Variants in PFDN6 observed in about 807,000 individuals in gnomAD.
PFDN6 encodes HLA class II region expressed gene KE2.
In PFDN6, 5 loss-of-function variants were observed where a neutral mutation model predicts 19.3. That is an observed-to-expected ratio of 0.26 (90% CI 0.14 to 0.55). The LOEUF is 0.55. Ranked by LOEUF, PFDN6 falls within the 20% of genes least tolerant of loss-of-function variation. The pLI is 0.94. For missense variants in PFDN6, 101 were observed against 149.4 expected (o/e 0.68, Z 1.69); for synonymous variants, 51 against 63.4 (o/e 0.80, Z 0.93).
At chr6:33,289,507 C>A, upstream of PFDN6, 2 of 1,178,200 alleles carry the variant, frequency 1.7e-6, no homozygotes, top group Non-Finnish European at 2.2e-6. Flanking sequence ...GAACTCCACT[C>A]CCTAAACATG....
chr6:33,289,227 G>A, upstream of PFDN6: 4 of 1,575,050 alleles, frequency 2.5e-6, no homozygotes, highest in South Asian at 2.3e-5. Context: ...CCACACAGTC[G>A]GCTTGAAAAC....
At chr6:33,290,268 C>G in intron 2 of PFDN6, 24 bp downstream of exon 2, 1 of 1,613,970 alleles carries the variant, frequency 6.2e-7, no homozygotes, top group Non-Finnish European at 8.5e-7. Context: ...ATTTGTGGGG[C>G]GAGGAGGGAC....
At chr6:33,289,290 T>G (rs1023994064), upstream of PFDN6, 11 of 1,483,130 alleles carry the variant, frequency 7.4e-6, no homozygotes, top group Non-Finnish European at 9.8e-6. Context: ...GGTATGAAGC[T>G]CTCTAGGTGC....
In PFDN6 at chr6:33,289,754, G is replaced by C. The variant is rs573282585; in HGVS notation, c.-103G>C. The C allele has an allele frequency of 2.7e-4, 249 of 931,920 alleles. 2 individuals carry two copies. Among genetic ancestry groups the C allele is most frequent in the South Asian group, 2.6e-3 (140 of 54,074 alleles). The allele number at this position is 931,920 out of a possible 1,614,324, so 57.7% of individuals were successfully genotyped here. On this transcript the variant is annotated 5_prime_UTR_variant, in exon 1 of 4. Coordinates refer to ENST00000374606, the MANE Select transcript of PFDN6 (RefSeq NM_001185181.3). ...CCCCTCAGGGCTACCTCTCAAGAGT[G>C]CTATCATTTCCGCAGGCCAGATCAG...
rs561396241 is a variant in PFDN6 at position 33,289,728 on chromosome 6, G to T, written c.-129G>T. 5.8e-6 allele frequency: 4 copies of T among 692,990 alleles called. No homozygotes were observed. The highest frequency in any genetic ancestry group is 5.8e-5 in the East Asian group (2 of 34,578). 42.9% of individuals were successfully genotyped at this position (692,990 alleles called of 1,614,324 possible). On this transcript the variant is annotated 5_prime_UTR_variant, in exon 1 of 4. Transcript: ENST00000374606. ...TCCGGGACGGGGGGGAGGTTGCGGT[G>T]CCCCTCAGGGCTACCTCTCAAGAGT...
At chr6:33,290,120 T>C (rs918050792) in intron 1 of PFDN6, 54 bp from the exon 2 acceptor site, 71 of 1,566,570 alleles carry the variant, frequency 4.5e-5, no homozygotes, top group Non-Finnish European at 6.2e-5. Flanking sequence ...ACTAGGATTG[T>C]GGGGATAGGT....
In PFDN6 at chr6:33,290,907, T is replaced by C; in HGVS notation, c.*62T>C. The C allele has an allele frequency of 6.9e-7, 1 of 1,445,832 alleles. No individual in the cohort carries two copies. The highest frequency in any genetic ancestry group is 9.3e-7 in the Non-Finnish European group (1 of 1,073,418). The allele number at this position is 1,445,832 out of a possible 1,614,324, so 89.6% of individuals were successfully genotyped here. On this transcript the variant is annotated 3_prime_UTR_variant, in exon 4 of 4. Coordinates refer to ENST00000374606, the MANE Select transcript of PFDN6 (RefSeq NM_001185181.3). Reference sequence around the variant, plus strand: ...TGAGGCAGCTCTAGGATCTATACTGTAGCTAATAAAATGTAAAAACACCTG... The same window carrying C: ...TGAGGCAGCTCTAGGATCTATACTGCAGCTAATAAAATGTAAAAACACCTG...
At chr6:33,290,592 C>A in intron 3 of PFDN6, 124 bp from the exon 4 acceptor site, 2 of 1,464,364 alleles carry the variant, frequency 1.4e-6, no homozygotes, top group Non-Finnish European at 1.9e-6. Context: ...TCCCTTTTAA[C>A]CCCCCTTCTT....
rs1283565767 is a variant in PFDN6 at position 33,290,045 on chromosome 6, C to G, written c.64+125C>G. 1.5e-5 allele frequency: 20 copies of G among 1,290,840 alleles called. No individual in the cohort carries two copies. The East Asian group carries it at 4.2e-4, about 27-fold the overall frequency. 80.0% of individuals were successfully genotyped at this position (1,290,840 alleles called of 1,614,324 possible). A position where few individuals can be genotyped will look rare whatever the true frequency, so the allele number is the denominator to read the frequency against. On this transcript the variant is annotated intron_variant, in intron 1 of 3. Transcript: ENST00000374606. ...AGACTTCCCCGCCTCAGTCTCAGTA[C>G]TCTTCCCTGTTCACTCACCCGCTGC...
In PFDN6 at chr6:33,289,761, TTTCCGCAGGCCAGATCAGAAAAGG is replaced by T. The variant is rs1434665272; in HGVS notation, c.-95_-72del. The stretch of plus-strand genomic sequence containing the variant: ...GGGCTACCTCTCAAGAGTGCTATCA[TTTCCGCAGGCCAGATCAGAAAAGG>T]GAGCTCAGGTACCTTCCAGAGAGTG... On this transcript the variant is annotated 5_prime_UTR_variant, in exon 1 of 4. In the 5' UTR this introduces an upstream ATG that the reference lacks. Transcript: ENST00000374606. 9.7e-7 allele frequency: 1 copy of T among 1,033,372 alleles called. No homozygotes were observed. Among genetic ancestry groups the T allele is most frequent in the African/African-American group, 1.6e-5 (1 of 62,168 alleles). 64.0% of individuals were successfully genotyped at this position (1,033,372 alleles called of 1,614,324 possible). A position where few individuals can be genotyped will look rare whatever the true frequency, so the allele number is the denominator to read the frequency against.
In PFDN6 at chr6:33,290,875, GAGGGA is replaced by G; in HGVS notation, c.*32_*36del. The G allele has an allele frequency of 6.5e-7, 1 of 1,532,640 alleles. No homozygotes were observed. 94.9% of individuals were successfully genotyped at this position (1,532,640 alleles called of 1,614,324 possible). ...ATGGTGGGGGGAGGGGAGGGGAGGG[GAGGGA>G]ATGAGGCAGCTCTAGGATCTATACT... On this transcript the variant is annotated 3_prime_UTR_variant, in exon 4 of 4. Transcript: ENST00000374606.
intron 1 of PFDN6, 96 bp from the exon 2 acceptor site, chr6:33,290,078 C>A: frequency 7.1e-7 from 1 of 1,413,902 alleles, no homozygotes; most frequent in South Asian, 1.2e-5. Flanking sequence ...TGCCCCCATC[C>A]TTTTCTGCTT....
At chr6:33,290,009 C>T (rs1767175277) in intron 1 of PFDN6, 89 bp downstream of exon 1, 1 of 1,369,482 alleles carries the variant, frequency 7.3e-7, no homozygotes, top group South Asian at 1.3e-5. Context: ...CATCTGGGCC[C>T]TCGCGTGCAG....
At chr6:33,290,031 C>A in intron 1 of PFDN6, 111 bp downstream of exon 1, 1 of 1,284,888 alleles carries the variant, frequency 7.8e-7, no homozygotes, top group Non-Finnish European at 1.1e-6. Context: ...GACTTCCCCG[C>A]CTCAGTCTCA....
intron 3 of PFDN6, 63 bp from the exon 4 acceptor site, chr6:33,290,653 C>T (rs2150921684): frequency 6.4e-6 from 10 of 1,572,116 alleles, no homozygotes; most frequent in South Asian, 1.1e-5. Flanking sequence ...TTGCGTTTAG[C>T]ACTCTCCATA....
At chr6:33,290,136 A>G in intron 1 of PFDN6, 38 bp from the exon 2 acceptor site, 1 of 1,604,722 alleles carries the variant, frequency 6.2e-7, no homozygotes, top group South Asian at 1.1e-5. Flanking sequence ...TAGGTGGCAC[A>G]TTTGATGTTT....
In PFDN6 at chr6:33,290,324, A is replaced by T; in HGVS notation, c.136-2A>T. ...ATCACATATGTCCCATCCCTCCATCAGGAACTGGCCCTGCTGGATGGGTCC... is the reference window on the plus strand; with the variant it reads ...ATCACATATGTCCCATCCCTCCATCTGGAACTGGCCCTGCTGGATGGGTCC... On this transcript the variant is annotated splice_acceptor_variant, in intron 2 of 3. Transcript: ENST00000374606. LOFTEE classifies it high-confidence loss of function. 1 of 1,610,244 alleles carries T rather than the reference A, an allele frequency of 6.2e-7. No homozygotes were observed. Among genetic ancestry groups the T allele is most frequent in the Non-Finnish European group, 8.5e-7 (1 of 1,177,020 alleles).
At chr6:33,290,591 A>AC in intron 3 of PFDN6, 125 bp from the exon 4 acceptor site, 1 of 1,457,590 alleles carries the variant, frequency 6.9e-7, no homozygotes, top group Non-Finnish European at 9.3e-7. Flanking sequence ...TTCCCTTTTA[A>AC]CCCCCCTTCT....
At chr6:33,289,538 A>G (rs1767088357), upstream of PFDN6, 2 of 972,996 alleles carry the variant, frequency 2.1e-6, no homozygotes, top group South Asian at 3.9e-5. Flanking sequence ...ACTTCCCATC[A>G]AGGGTCAGAA....
Sources: allele counts gnomAD v4.1 joint callset, GRCh38; gene constraint gnomAD v4.1.1; transcripts MANE v1.5; gene names NCBI Gene and HGNC (gene_info 2026-07-23, HGNC 2026-07-21).